Variants in EIF3I observed in about 807,000 individuals in gnomAD.
EIF3I encodes TGF-beta receptor-interacting protein 1.
Under a neutral mutation model 43.3 loss-of-function variants are expected in EIF3I, and 20 were observed. The ratio of observed to expected loss-of-function variants is 0.46; its 90% CI spans 0.32 to 0.67. The LOEUF (loss-of-function observed/expected upper bound fraction) is 0.67, where lower values mean the gene tolerates loss of function less well. Among genes scored for constraint, EIF3I ranks in the 30% least tolerant of loss-of-function variants. The pLI is 0.03. For synonymous variants in EIF3I, 167 were observed against 151.7 expected (o/e 1.10, Z -0.74); for missense variants, 279 against 421.4 (o/e 0.66, Z 2.96).
At chr1:32,232,995 T>C (rs190907218), downstream of EIF3I, among the ~76,000 whole-genome samples, 729 of 152,062 alleles carry the variant, frequency 4.8e-3, 5 homozygotes, top group Admixed American at 0.018. Context: ...TATTTACTTA[T>C]TTATTTATTT....
intron 4 of EIF3I, 59 bp downstream of exon 4, chr1:32,224,534 G>A: frequency 1.6e-6 from 2 of 1,256,684 alleles, no homozygotes; most frequent in Non-Finnish European, 2.3e-6. Flanking sequence ...GTACCTGTTT[G>A]AGTAAACAGG....
downstream of EIF3I, among the ~76,000 whole-genome samples, chr1:32,235,778 A>C (rs1024617757): frequency 5.9e-5 from 9 of 152,290 alleles, no homozygotes; most frequent in Admixed American, 5.9e-4. Context: ...CCCTTGATGT[A>C]CACCAGTCTG....
chr1:32,224,735 A>G (rs985395714), intron 4 of EIF3I, among the ~76,000 whole-genome samples: 12 of 148,456 alleles, frequency 8.1e-5, no homozygotes, highest in Non-Finnish European at 1.8e-4. Flanking sequence ...CAATGGCACT[A>G]TCTCGGCTCA....
downstream of EIF3I, chr1:32,231,472 C>A: frequency 1.9e-5 from 5 of 258,748 alleles, no homozygotes; most frequent in South Asian, 5.9e-5. Context: ...TCCTGAGCCA[C>A]AAGAGCAAAA....
chr1:32,235,713 TG>T (rs1441544311), downstream of EIF3I, among the ~76,000 whole-genome samples: 1 of 152,160 alleles, frequency 6.6e-6, no homozygotes, highest in African/African-American at 2.4e-5. Context: ...CATAGCCCTC[TG>T]GGGAAACACA....
chr1:32,234,537 G>A (rs1639277084), downstream of EIF3I: 1 of 152,952 alleles, frequency 6.5e-6, no homozygotes, highest in South Asian at 2.1e-4. Flanking sequence ...CGCAGTCCAG[G>A]AAGAGGAGAA....
rs193247056 is a variant in EIF3I at position 32,226,214 on chromosome 1, C to T, written c.294C>T (p.Thr98=). Reference sequence around the variant, plus strand: ...TCAAGACCAATTCGGCTGTCCGGACCTGCGGTTTTGACTTTGGGGGCAACA... The same window carrying T: ...TCAAGACCAATTCGGCTGTCCGGACTTGCGGTTTTGACTTTGGGGGCAACA... Residue 98 remains threonine (T), a synonymous_variant, in exon 5 of 12, where the codon ACC becomes ACT. Transcript: ENST00000676679. 196 of 1,614,056 alleles carry T rather than the reference C, an allele frequency of 1.2e-4. 2 individuals are homozygous for T. The highest frequency in any genetic ancestry group is 4.3e-5 in the Non-Finnish European group (51 of 1,180,020).
chr1:32,225,343 C>G (rs993833851), intron 4 of EIF3I, among the ~76,000 whole-genome samples: 2 of 152,216 alleles, frequency 1.3e-5, no homozygotes, highest in African/African-American at 2.4e-5. Flanking sequence ...CAGATCAGGT[C>G]TTTGCTGTGG....
intron 3 of EIF3I, 60 bp from the exon 4 acceptor site, chr1:32,224,350 G>A: frequency 7.0e-7 from 1 of 1,430,186 alleles, no homozygotes; most frequent in Non-Finnish European, 9.9e-7. Context: ...TGATTCACTT[G>A]GCATCCCAAG....
At chr1:32,227,389 ACTTCT>A (rs1205176476) in intron 6 of EIF3I, among the ~76,000 whole-genome samples, 1 of 151,956 alleles carries the variant, frequency 6.6e-6, no homozygotes, top group Non-Finnish European at 1.5e-5. Flanking sequence ...AATTTACATG[ACTTCT>A]CTGACCCTGT....
chr1:32,224,576 A>G, intron 4 of EIF3I, 101 bp downstream of exon 4: 1 of 832,712 alleles, frequency 1.2e-6, no homozygotes, highest in Non-Finnish European at 2.0e-6. Flanking sequence ...ATCCATAGAT[A>G]GTTTCCAGTC....
intron 9 of EIF3I, among the ~76,000 whole-genome samples, chr1:32,229,865 C>T (rs528697554): frequency 2.6e-5 from 4 of 151,830 alleles, no homozygotes; most frequent in Non-Finnish European, 4.4e-5. Flanking sequence ...TTATATTTCT[C>T]TATGTCTAAA....
downstream of EIF3I, among the ~76,000 whole-genome samples, chr1:32,235,367 T>G (rs1569868605): frequency 1.3e-5 from 2 of 151,694 alleles, no homozygotes; most frequent in East Asian, 3.9e-4. Flanking sequence ...AATCTTGCTC[T>G]GTCTCCAGGC....
At chr1:32,233,055 A>G (rs1639260679), downstream of EIF3I, among the ~76,000 whole-genome samples, 1 of 152,188 alleles carries the variant, frequency 6.6e-6, no homozygotes, top group African/African-American at 2.4e-5. Context: ...ATGCAATGGC[A>G]TGATCTCGGC....
At chr1:32,224,356 C>G (rs1639106355) in intron 3 of EIF3I, 54 bp from the exon 4 acceptor site, 1 of 1,499,874 alleles carries the variant, frequency 6.7e-7, no homozygotes, top group African/African-American at 1.4e-5. Context: ...ACTTGGCATC[C>G]CAAGAGGACA....
chr1:32,230,400 G>A (rs1261797415), intron 10 of EIF3I, among the ~76,000 whole-genome samples: 1 of 151,800 alleles, frequency 6.6e-6, no homozygotes, highest in African/African-American at 2.4e-5. Flanking sequence ...GTCCCTGGCT[G>A]CTTTTTGTAT....
At chr1:32,226,516 C>G in exon 6 of EIF3I, 7 of 1,550,620 alleles carry the variant, frequency 4.5e-6, no homozygotes, top group Non-Finnish European at 6.1e-6. Context: ...AGAGCTCAAC[C>G]AGTATAGTGC....
At chr1:32,227,328 G>A (rs1325708949) in intron 6 of EIF3I, among the ~76,000 whole-genome samples, 1 of 150,474 alleles carries the variant, frequency 6.6e-6, no homozygotes, top group African/African-American at 2.4e-5. Flanking sequence ...AAAGAGCAGA[G>A]GTGAGATTCA....
At chr1:32,229,848 G>A (rs1265926811) in intron 9 of EIF3I, among the ~76,000 whole-genome samples, 1 of 152,106 alleles carries the variant, frequency 6.6e-6, no homozygotes, top group Non-Finnish European at 1.5e-5. Flanking sequence ...ACTGTGCCCA[G>A]CCTTCATTAT....
Sources: gnomAD v4.1 joint callset for allele counts (sites outside exome capture counted in the v4.1 genomes callset) on GRCh38, gnomAD v4.1.1 for gene constraint, MANE v1.5 for transcripts, NCBI Gene and HGNC (gene_info 2026-07-23, HGNC 2026-07-21) for gene names.